Variants in KIF6 observed in about 807,000 individuals in gnomAD.
The protein encoded by KIF6 is kinesin family member 6, also known as kinesin-like protein KIF6.
Under a neutral mutation model 112.7 loss-of-function variants are expected in KIF6, and 106 were observed. The ratio of observed to expected loss-of-function variants is 0.94; its 90% confidence interval spans 0.80 to 1.11. The LOEUF is 1.11. Ranked by LOEUF, KIF6 falls within the 50% of genes least tolerant of loss-of-function variation. KIF6 has a pLI of 0.00. For synonymous variants in KIF6, 339 were observed against 339.9 expected (o/e 1.00, Z 0.03); for missense variants, 929 against 964.0 (o/e 0.96, Z 0.48).
intron 13 of KIF6, among the ~76,000 whole-genome samples, chr6:39,458,252 CAG>C (rs1391763112): frequency 2.0e-5 from 3 of 150,784 alleles, no homozygotes; most frequent in Non-Finnish European, 4.4e-5. Flanking sequence ...AGCATATAAA[CAG>C]AGTCAAAGAC....
At chr6:39,633,242 C>G (rs1415133414) in intron 5 of KIF6, among the ~76,000 whole-genome samples, 1 of 151,882 alleles carries the variant, frequency 6.6e-6, no homozygotes, top group Non-Finnish European at 1.5e-5. Context: ...AGCATGAGCT[C>G]TTTTCATCTG....
At chr6:39,419,837 C>G (rs1318451796) in intron 15 of KIF6, 111 bp downstream of exon 15, 3 of 907,300 alleles carry the variant, frequency 3.3e-6, no homozygotes, top group Non-Finnish European at 5.6e-6. Flanking sequence ...GGCAGGGGCT[C>G]TCCTGAAACT....
chr6:39,722,867 A>G (rs1790299785), intron 1 of KIF6, among the ~76,000 whole-genome samples: 1 of 152,220 alleles, frequency 6.6e-6, no homozygotes, highest in African/African-American at 2.4e-5. Flanking sequence ...AGGATCAAAC[A>G]ATCCACTCTA....
chr6:39,657,960 G>A (rs1785899818), intron 3 of KIF6, among the ~76,000 whole-genome samples: 1 of 152,134 alleles, frequency 6.6e-6, no homozygotes. Context: ...GATTCTGACT[G>A]GTTCCATTTT....
intron 19 of KIF6, among the ~76,000 whole-genome samples, chr6:39,356,804 C>T (rs1037653672): frequency 2.0e-5 from 3 of 152,104 alleles, no homozygotes; most frequent in Admixed American, 2.0e-4. Context: ...CTGGTCATCC[C>T]ATCATGTAGG....
At chr6:39,530,924 C>T (rs1201420918) in intron 13 of KIF6, among the ~76,000 whole-genome samples, 1 of 152,160 alleles carries the variant, frequency 6.6e-6, no homozygotes, top group Non-Finnish European at 1.5e-5. Flanking sequence ...GCCTGATCAG[C>T]TCCTAGAATC....
intron 14 of KIF6, among the ~76,000 whole-genome samples, chr6:39,425,793 CAAAAAAAA>C (rs549490182): frequency 1.6e-5 from 1 of 62,920 alleles, no homozygotes; most frequent in South Asian, 5.0e-4. Context: ...GATGTAAATA[CAAAAAAAA>C]AAAAAAAAGG....
chr6:39,437,637 C>T (rs1236753665), intron 13 of KIF6, among the ~76,000 whole-genome samples: 2 of 152,150 alleles, frequency 1.3e-5, no homozygotes, highest in Admixed American at 6.5e-5. Context: ...CCATCTTCTC[C>T]CCAGTACATG....
intron 2 of KIF6, among the ~76,000 whole-genome samples, chr6:39,716,285 A>ACTAAAATGTAACTTTAGTAT (rs6149539): frequency 6.6e-6 from 1 of 151,810 alleles, no homozygotes; most frequent in Admixed American, 6.6e-5. Context: ...TTTAAATTAA[A>ACTAAAATGTAACTTTAGTAT]AATATCTATA....
At chr6:39,659,277 T>G (rs534915937) in intron 3 of KIF6, among the ~76,000 whole-genome samples, 162 of 152,316 alleles carry the variant, frequency 1.1e-3, no homozygotes, top group African/African-American at 3.6e-3. Flanking sequence ...GTGCTACATA[T>G]AGAAAATATA....
chr6:39,583,654 C>T (rs989095973), intron 9 of KIF6, among the ~76,000 whole-genome samples: 5 of 115,014 alleles, frequency 4.3e-5, no homozygotes, highest in Admixed American at 1.9e-4. Flanking sequence ...AAGTGAAACA[C>T]TGTTGGTAGG....
At chr6:39,502,386 AC>A (rs1277499549) in intron 13 of KIF6, among the ~76,000 whole-genome samples, 2 of 151,946 alleles carry the variant, frequency 1.3e-5, no homozygotes, top group African/African-American at 4.8e-5. Flanking sequence ...AAAAAAACAC[AC>A]ACACACTGAA....
chr6:39,368,181 A>G (rs1173752623), intron 16 of KIF6, among the ~76,000 whole-genome samples: 2 of 152,168 alleles, frequency 1.3e-5, no homozygotes, highest in Non-Finnish European at 2.9e-5. Context: ...GCAACCAGGA[A>G]AGCACACTCT....
chr6:39,663,934 A>G (rs1429177545), intron 3 of KIF6, among the ~76,000 whole-genome samples: 2 of 151,826 alleles, frequency 1.3e-5, no homozygotes, highest in African/African-American at 4.8e-5. Context: ...CTAGATACCT[A>G]AGCAGATAAA....
At chr6:39,722,265 C>G (rs931070143) in intron 1 of KIF6, among the ~76,000 whole-genome samples, 7 of 152,120 alleles carry the variant, frequency 4.6e-5, no homozygotes, top group Non-Finnish European at 1.0e-4. Context: ...GCTCAGCAGA[C>G]AGAAAAGAAT....
chr6:39,342,594 G>GTTTTTTTTTTTTTTTTTTTTTT lies in KIF6; in HGVS notation c.2428+1114_2428+1115insAAAAAAAAAAAAAAAAAAAAAA, dbSNP rs1443982685. Among the ~76,000 whole-genome samples, 2 of 124,310 alleles carry GTTTTTTTTTTTTTTTTTTTTTT rather than the reference G, an allele frequency of 1.6e-5. No homozygotes were observed. The highest frequency in any genetic ancestry group is 4.4e-5 in the African/African-American group (1 of 22,826). 81.6% of individuals were successfully genotyped at this position (124,310 alleles called of 152,430 possible). A position where few individuals can be genotyped will look rare whatever the true frequency, so the allele number is the denominator to read the frequency against. On this transcript the variant is annotated intron_variant, in intron 22 of 22. Transcript: ENST00000287152. This position sits in a 1 kb window ranked among gnomAD's most constrained non-coding sequence, Gnocchi z 4.7. ...GGGGACTTGGAGATCACTGAATCCA[G>GTTTTTTTTTTTTTTTTTTTTTT]TTTTTTATTTTTTTTTATTTTTTTT... is the stretch of plus-strand genomic sequence containing the variant.
intron 15 of KIF6, among the ~76,000 whole-genome samples, chr6:39,399,603 C>A (rs895236416): frequency 6.6e-6 from 1 of 152,216 alleles, no homozygotes; most frequent in African/African-American, 2.4e-5. Context: ...TATAAACTAT[C>A]TTGTGAGAGC....
intron 10 of KIF6, among the ~76,000 whole-genome samples, chr6:39,546,843 A>G: frequency 6.6e-6 from 1 of 151,912 alleles, no homozygotes; most frequent in African/African-American, 2.4e-5. Context: ...AAAAAAAAAA[A>G]AGTCCTAGTT....
chr6:39,362,404 C>A, intron 17 of KIF6, 30 bp downstream of exon 17: 1 of 1,566,338 alleles, frequency 6.4e-7, no homozygotes, highest in Non-Finnish European at 8.8e-7. Context: ...AGGCTGGGCT[C>A]GGACTGTGTG....
Sources: allele counts gnomAD v4.1 joint callset (sites outside exome capture counted in the v4.1 genomes callset), GRCh38; gene constraint gnomAD v4.1.1; non-coding constraint Gnocchi (gnomAD v3.1); transcripts MANE v1.5; gene names NCBI Gene and HGNC (gene_info 2026-07-23, HGNC 2026-07-21).